The following ATP4A variants were observed in gnomAD, a reference collection of about 807,000 sequenced individuals.
The protein encoded by ATP4A is potassium-transporting ATPase alpha chain 1.
A neutral mutation model predicts 112.1 loss-of-function variants in ATP4A; 73 were observed. The observed-to-expected ratio is 0.65, with a 90% confidence interval of 0.54 to 0.79. ATP4A has a LOEUF of 0.79. Among genes scored for constraint, ATP4A ranks in the 30% least tolerant of loss-of-function variants. The pLI, the probability that ATP4A is intolerant of heterozygous loss-of-function variation, is 0.00. For missense variants in ATP4A, 1,081 were observed against 1,425.9 expected (o/e 0.76, Z 3.90); for synonymous variants, 588 against 588.9 (o/e 1.00, Z 0.02).
At position 35,557,492 on chromosome 19, in the gene ATP4A, G is replaced by T. The variant is rs1163141037; in HGVS notation, c.1693+163C>A. On this transcript the variant is annotated intron_variant, in intron 11 of 21. Coordinates refer to ENST00000262623, the MANE Select transcript of ATP4A (RefSeq NM_000704.3). This position sits in a 1 kb window ranked among gnomAD's most constrained non-coding sequence, Gnocchi z 4.4. ...AGGTAGAAAGTGAGGACAGACAGGG[G>T]TCAGGACTGGTACAGGGAAAGTCAA... Among the ~76,000 whole-genome samples, 1 of 152,244 alleles carries T rather than the reference G, an allele frequency of 6.6e-6. No individual in the cohort carries two copies. The highest frequency in any genetic ancestry group is 2.4e-5 in the African/African-American group (1 of 41,456).
chr19:35,557,537 G>A lies in ATP4A; in HGVS notation c.1693+118C>T, dbSNP rs1443492273. The stretch of plus-strand genomic sequence containing the variant: ...AGTCAAGGGTGAGGCTGTGGACTGC[G>A]ACAAATCAGCCAGCAGCCAGGGATG... On this transcript the variant is annotated intron_variant, in intron 11 of 21. Coordinates refer to ENST00000262623, the MANE Select transcript of ATP4A (RefSeq NM_000704.3). This position sits in a 1 kb window ranked among gnomAD's most constrained non-coding sequence, Gnocchi z 4.4. The A allele has an allele frequency of 1.6e-6, 2 of 1,276,434 alleles. No homozygotes were observed. Among genetic ancestry groups the A allele is most frequent in the Non-Finnish European group, 2.1e-6 (2 of 935,806 alleles). The allele number at this position is 1,276,434 out of a possible 1,614,324, so 79.1% of individuals were successfully genotyped here. A position where few individuals can be genotyped will look rare whatever the true frequency, so the allele number is the denominator to read the frequency against.
chr19:35,552,276 G>A (rs1315836969), intron 18 of ATP4A, among the ~76,000 whole-genome samples: 1 of 152,164 alleles, frequency 6.6e-6, no homozygotes, highest in Admixed American at 6.5e-5. Context: ...AGTGTTGCAC[G>A]TGCATTAGCT....
chr19:35,553,891 C>T lies in ATP4A; in HGVS notation c.2482-62G>A, dbSNP rs974310268. 7.7e-5 allele frequency: 117 copies of T among 1,523,992 alleles called. No homozygotes were observed. The African/African-American group carries it at 1.4e-3, about 18-fold the overall frequency. The allele number at this position is 1,523,992 out of a possible 1,614,324, so 94.4% of individuals were successfully genotyped here. A position where few individuals can be genotyped will look rare whatever the true frequency, so the allele number is the denominator to read the frequency against. On this transcript the variant is annotated intron_variant, in intron 16 of 21. Coordinates refer to ENST00000262623, the MANE Select transcript of ATP4A (RefSeq NM_000704.3). Reference sequence around the variant, plus strand: ...GGCTGGGCCCTTGTCCCCTCCACTTCGGGTCCCCCTTCCCCCACTTGTGAG... The same window carrying T: ...GGCTGGGCCCTTGTCCCCTCCACTTTGGGTCCCCCTTCCCCCACTTGTGAG...
intron 3 of ATP4A, 52 bp from the exon 4 acceptor site, chr19:35,562,690 A>G: frequency 2.0e-6 from 3 of 1,507,842 alleles, no homozygotes; most frequent in Non-Finnish European, 2.7e-6. Flanking sequence ...CTCCACATGC[A>G]CACCCCGTGG....
chr19:35,558,375 G>C lies in ATP4A; in HGVS notation c.1487C>G (p.Thr496Ser). The C allele has an allele frequency of 6.2e-7, 1 of 1,611,246 alleles. No homozygotes were observed. Among genetic ancestry groups the C allele is most frequent in the Non-Finnish European group, 8.5e-7 (1 of 1,178,888 alleles). Reference protein sequence around the residue: ...PKVCEIPFNSTNKFQLSIHTL... With the variant: ...PKVCEIPFNSSNKFQLSIHTL... ...CCGGCTGCGCACCTGGAACTTGTTG[G>C]TGGAGTTGAAGGGTATCTCGCAGAC... The change falls in exon 10 of 22, where the codon ACC becomes AGC. Residue 496 changes from threonine (T) to serine (S), a missense_variant. Thr to Ser is a moderately conservative substitution (Grantham distance 58, BLOSUM62 1). Coordinates refer to ENST00000262623, the MANE Select transcript of ATP4A (RefSeq NM_000704.3). This position sits in a 1 kb window ranked among gnomAD's most constrained non-coding sequence, Gnocchi z 5.1.
chr19:35,556,969 G>A lies in ATP4A; in HGVS notation c.1813C>T (p.Pro605Ser). 3 of 1,614,150 alleles carry A rather than the reference G, an allele frequency of 1.9e-6. No homozygotes were observed. Among genetic ancestry groups the A allele is most frequent in the Non-Finnish European group, 2.5e-6 (3 of 1,180,018 alleles). ...GCATCAGGGACGGTGGCCCGGGGTG[G>A]GTCAATCATGGATACAAGTCCCGCA... ...CFAGLVSMID[P>S]PRATVPDAVL... is the part of the protein sequence containing the mutation. Residue 605 changes from proline to serine, a missense_variant, in exon 12 of 22, where the codon CCA becomes TCA. Around this residue, in one of 3 missense-constraint regions of ATP4A, gnomAD observed 850 missense variants for 1,068.2 expected, o/e 0.80. Coordinates refer to ENST00000262623, the MANE Select transcript of ATP4A (RefSeq NM_000704.3).
intron 16 of ATP4A, 154 bp from the exon 17 acceptor site, chr19:35,553,983 C>A: frequency 8.8e-7 from 1 of 1,130,218 alleles, no homozygotes; most frequent in East Asian, 2.9e-5. Context: ...GCCTGGACAG[C>A]CTGGGCCCCA....
Position 35,554,925 on chromosome 19 carries a change from G to A in ATP4A, c.2478C>T (p.Asp826=), listed in dbSNP as rs754178516. ...ITILFIELCT[D]IFPSVSLAYE... ...GTACCCTGGGCTGTGGACTTACAAT[G>A]TCAGTGCAGAGTTCGATGAAGAGGA... The change falls in exon 16 of 22, where the codon GAC becomes GAT. Residue 826 remains aspartate (D), a synonymous_variant. Transcript: ENST00000262623. 2.5e-6 allele frequency: 4 copies of A among 1,614,140 alleles called. No individual in the cohort carries two copies. The highest frequency in any genetic ancestry group is 1.7e-6 in the Non-Finnish European group (2 of 1,180,014).
rs1051709112 is a variant in ATP4A at position 35,551,768 on chromosome 19, G to C, written c.2752-188C>G. Among the ~76,000 whole-genome samples the C allele has an allele frequency of 2.6e-5, 4 of 152,270 alleles. No homozygotes were observed. Among genetic ancestry groups the C allele is most frequent in the African/African-American group, 9.6e-5 (4 of 41,550 alleles). ...TGCCAGGTGTGCAGGACCCCAGAAC[G>C]TGGGGCCCAGAAACCTCAGCCTAGC... On this transcript the variant is annotated intron_variant, in intron 18 of 21. Transcript: ENST00000262623. The surrounding 1 kb of genome is among the most constrained non-coding windows in gnomAD (Gnocchi z 5.2).
rs769990049 is a variant in ATP4A at position 35,560,497 on chromosome 19, G to A, written c.653C>T (p.Ala218Val). Residue 218 changes from alanine to valine, a missense_variant, in exon 6 of 22, where the codon GCG (alanine) becomes GTG (valine). Physicochemically the swap from Ala to Val is moderately conservative, Grantham distance 64. Coordinates refer to ENST00000262623, the MANE Select transcript of ATP4A (RefSeq NM_000704.3). The surrounding 1 kb of genome is among the most constrained non-coding windows in gnomAD (Gnocchi z 5.1). ...DRVPADIRIL[A>V]AQGCKVDNSS... The stretch of plus-strand genomic sequence containing the variant: ...GTTGTCCACCTTGCAGCCCTGGGCC[G>A]CCAGGATGCGGATGTCGGCGGGCAC... 2.7e-5 allele frequency: 44 copies of A among 1,613,374 alleles called. No individual in the cohort carries two copies. Among genetic ancestry groups the A allele is most frequent in the Admixed American group, 2.5e-4 (15 of 60,010 alleles).
intron 4 of ATP4A, among the ~76,000 whole-genome samples, chr19:35,562,166 A>C (rs577487510): frequency 1.3e-5 from 2 of 152,036 alleles, no homozygotes; most frequent in East Asian, 3.9e-4. Flanking sequence ...TCCAAATCCC[A>C]TCTCTTACGT....
chr19:35,551,155 G>A lies in ATP4A; in HGVS notation c.2886-44C>T, dbSNP rs201059478. On this transcript the variant is annotated intron_variant, in intron 19 of 21. Coordinates refer to ENST00000262623, the MANE Select transcript of ATP4A (RefSeq NM_000704.3). This position sits in a 1 kb window ranked among gnomAD's most constrained non-coding sequence, Gnocchi z 5.2. ...GGACAGGCCATTAGGAATTGGGGAC[G>A]TGATGGAAATCAGGATACTGTGGGT... 4.5e-6 allele frequency: 7 copies of A among 1,546,698 alleles called. No individual in the cohort carries two copies. The highest frequency in any genetic ancestry group is 1.4e-5 in the African/African-American group (1 of 73,336).
Position 35,551,575 on chromosome 19 carries a change from G to A in ATP4A, c.2757C>T (p.Phe919=), listed in dbSNP as rs542515077. 39 of 1,611,850 alleles carry A rather than the reference G, an allele frequency of 2.4e-5. 1 individual carries two copies. The South Asian group carries it at 2.4e-4, about 10-fold the overall frequency. The change falls in exon 19 of 22, where the codon TTC becomes TTT. Residue 919 remains phenylalanine (F), a synonymous_variant. Coordinates refer to ENST00000262623, the MANE Select transcript of ATP4A (RefSeq NM_000704.3). The surrounding 1 kb of genome is among the most constrained non-coding windows in gnomAD (Gnocchi z 5.2). ...LQDSYGQEWT[F]GQRLYQQYTC... ...TGTACTGCTGGTACAGGCGCTGCCC[G>A]AATGTCTGCAGGCCAGGGGCAAACG...
chr19:35,562,327 G>A, intron 4 of ATP4A, 108 bp downstream of exon 4: 4 of 1,322,388 alleles, frequency 3.0e-6, no homozygotes, highest in Non-Finnish European at 4.2e-6. Context: ...TGCCTTTCGT[G>A]TTCGTCTATC....
Position 35,555,730 on chromosome 19 carries a change from G to A in ATP4A, c.1952C>T (p.Thr651Ile). 1 of 1,613,662 alleles carries A rather than the reference G, an allele frequency of 6.2e-7. No individual in the cohort carries two copies. Among genetic ancestry groups the A allele is most frequent in the Non-Finnish European group, 8.5e-7 (1 of 1,179,622 alleles). ...GAGGCGGGCAGCGATGTCCTCCACT[G>A]TCTCGCTGCCTTCCGAGATGATGCC... Reference protein sequence around the residue: ...SVGIISEGSETVEDIAARLRV... With the variant: ...SVGIISEGSEIVEDIAARLRV... The change falls in exon 13 of 22, where the codon ACA becomes ATA. Residue 651 changes from threonine (T) to isoleucine (I), a missense_variant. Physicochemically the swap from Thr to Ile is moderately conservative, Grantham distance 89 (BLOSUM62 -1). Around this residue, in one of 3 missense-constraint regions of ATP4A, gnomAD observed 850 missense variants for 1,068.2 expected, o/e 0.80. Coordinates refer to ENST00000262623, the MANE Select transcript of ATP4A (RefSeq NM_000704.3). This position sits in a 1 kb window ranked among gnomAD's most constrained non-coding sequence, Gnocchi z 6.6.
In ATP4A at chr19:35,550,293, T is replaced by G; in HGVS notation, c.*322A>C. 2 of 379,442 alleles carry G rather than the reference T, an allele frequency of 5.3e-6. No individual in the cohort carries two copies. The highest frequency in any genetic ancestry group is 9.6e-6 in the Non-Finnish European group (2 of 207,566). The allele number at this position is 379,442 out of a possible 1,614,324, so 23.5% of individuals were successfully genotyped here. On this transcript the variant is annotated 3_prime_UTR_variant, in exon 22 of 22. Transcript: ENST00000262623. The surrounding 1 kb of genome is among the most constrained non-coding windows in gnomAD (Gnocchi z 4.1). ...GGCAGCCGTCCAGCCTGGACTGGAG[T>G]CCTAAGAACAGAAACACCCTCCAGA...
chr19:35,555,482 G>T lies in ATP4A; in HGVS notation c.2115C>A (p.Ser705Arg), dbSNP rs777344478. Residue 705 changes from serine to arginine, a missense_variant, in exon 14 of 22, where the codon AGC becomes AGA. Coordinates refer to ENST00000262623, the MANE Select transcript of ATP4A (RefSeq NM_000704.3). The surrounding 1 kb of genome is among the most constrained non-coding windows in gnomAD (Gnocchi z 6.6). ...THPEMVFART[S>R]PQQKLVIVES... ...CCACGATCACCAGCTTCTGCTGGGG[G>T]CTGGTGCGCGCAAACACCATCTCGG... 1 of 1,611,140 alleles carries T rather than the reference G, an allele frequency of 6.2e-7. No individual in the cohort carries two copies.
intron 3 of ATP4A, 119 bp downstream of exon 3, chr19:35,563,090 C>T: frequency 9.2e-7 from 1 of 1,089,970 alleles, no homozygotes; most frequent in South Asian, 1.4e-5. Context: ...CTCTATTTCT[C>T]CATATCTTCC....
Position 35,557,576 on chromosome 19 carries a change from C to A in ATP4A, c.1693+79G>T. 5 of 1,477,450 alleles carry A rather than the reference C, an allele frequency of 3.4e-6. No individual in the cohort carries two copies. The highest frequency in any genetic ancestry group is 4.5e-6 in the Non-Finnish European group (5 of 1,099,414). The allele number at this position is 1,477,450 out of a possible 1,614,324, so 91.5% of individuals were successfully genotyped here. A position where few individuals can be genotyped will look rare whatever the true frequency, so the allele number is the denominator to read the frequency against. ...CAGCCAGGGATGAGGACGGTCAGGG[C>A]TGGGCCGGGAGTGGTGGGCAGGGTC... On this transcript the variant is annotated intron_variant, in intron 11 of 21. Transcript: ENST00000262623. This position sits in a 1 kb window ranked among gnomAD's most constrained non-coding sequence, Gnocchi z 4.4.
Sources: allele counts gnomAD v4.1 joint callset (sites outside exome capture counted in the v4.1 genomes callset), GRCh38; gene constraint gnomAD v4.1.1; regional missense constraint gnomAD v4.1.1; non-coding constraint Gnocchi (gnomAD v3.1); transcripts MANE v1.5; gene names NCBI Gene and HGNC (gene_info 2026-07-23, HGNC 2026-07-21).